The following SNX29 variants were observed in gnomAD, a reference collection of about 807,000 sequenced individuals.
SNX29 encodes sorting nexin-29.
In SNX29, 78 loss-of-function variants were observed where a neutral mutation model predicts 102.1. The ratio of observed to expected loss-of-function variants is 0.76; its 90% CI spans 0.64 to 0.92. The LOEUF is 0.92. Among genes scored for constraint, SNX29 ranks in the 40% least tolerant of loss-of-function variants. SNX29 has a pLI of 0.00. For synonymous variants in SNX29, 580 were observed against 414.5 expected (o/e 1.40, Z -4.85); for missense variants, 1,280 against 1,061.7 (o/e 1.21, Z -2.86).
In SNX29 at chr16:12,561,930, G is replaced by T. The variant is rs564364264; in HGVS notation, c.2319-6576G>T. Among the ~76,000 whole-genome samples the T allele has an allele frequency of 3.1e-3, 477 of 152,250 alleles. 1 individual carries two copies. The highest frequency in any genetic ancestry group is 6.8e-3 in the Middle Eastern group (2 of 294). On this transcript the variant is annotated intron_variant, in intron 20 of 20. Coordinates refer to ENST00000566228, the MANE Select transcript of SNX29 (RefSeq NM_032167.5). ...CCTTCTCCAGTTGCCTTCCAGGTGA[G>T]CTTAGAGCCAGGTGCATCCCTGGGG...
intron 15 of SNX29, among the ~76,000 whole-genome samples, chr16:12,335,709 T>C (rs2081427006): frequency 6.6e-6 from 1 of 151,936 alleles, no homozygotes; most frequent in African/African-American, 2.4e-5. Context: ...GTGGTCATGA[T>C]GAGAGCAGCC....
At chr16:12,526,988 C>A (rs1214635423) in intron 20 of SNX29, 2 of 401,278 alleles carry the variant, frequency 5.0e-6, no homozygotes, top group African/African-American at 4.0e-5. Context: ...GATTTATGGA[C>A]TTTTCAAAAC....
chr16:12,424,024 G>C (rs76546133), intron 18 of SNX29, among the ~76,000 whole-genome samples: 1,693 of 152,338 alleles, frequency 0.011, 38 homozygotes, highest in African/African-American at 0.038. Flanking sequence ...TTCTGAGCTG[G>C]TTGGCCAGAG....
At chr16:12,417,860 C>T (rs534359462) in intron 18 of SNX29, among the ~76,000 whole-genome samples, 1 of 152,006 alleles carries the variant, frequency 6.6e-6, no homozygotes, top group Non-Finnish European at 1.5e-5. Flanking sequence ...TTCTTGAGCC[C>T]TGGGAAGAGA....
chr16:12,141,020 C>T (rs1704147), intron 13 of SNX29, among the ~76,000 whole-genome samples: 66,978 of 152,054 alleles, frequency 0.44, 16,255 homozygotes, highest in East Asian at 0.7. Context: ...ATTGGTCTGG[C>T]GCAACTGTGC....
chr16:12,444,251 CGAGCACGTAGT>C (rs1567569558), intron 18 of SNX29, among the ~76,000 whole-genome samples: 8 of 151,696 alleles, frequency 5.3e-5, no homozygotes, highest in African/African-American at 1.5e-4. Context: ...AATATAGCAC[CGAGCACGTAGT>C]AAGCACTCAG....
intron 14 of SNX29, among the ~76,000 whole-genome samples, chr16:12,218,169 T>C (rs34726686): frequency 0.13 from 19,790 of 152,278 alleles, 2,270 homozygotes; most frequent in African/African-American, 0.29. Flanking sequence ...CTTCATACTT[T>C]GATTTTTTAA....
At chr16:12,223,359 C>G (rs991251523) in intron 14 of SNX29, among the ~76,000 whole-genome samples, 4 of 152,242 alleles carry the variant, frequency 2.6e-5, no homozygotes, top group South Asian at 2.1e-4. Context: ...AACCCTATCT[C>G]TATTAAAAAT....
chr16:12,296,961 C>T (rs1347166284), intron 15 of SNX29, among the ~76,000 whole-genome samples: 1 of 152,220 alleles, frequency 6.6e-6, no homozygotes, highest in African/African-American at 2.4e-5. Context: ...CACGGCATGC[C>T]TGGCTGCTGC....
chr16:12,527,371 T>TAAA, intron 20 of SNX29: 1 of 504,688 alleles, frequency 2.0e-6, no homozygotes, highest in Non-Finnish European at 3.8e-6. Context: ...AAATAAAAAA[T>TAAA]AAAAATCTCC....
chr16:12,138,039 T>G (rs2054725650), intron 13 of SNX29, among the ~76,000 whole-genome samples: 1 of 152,082 alleles, frequency 6.6e-6, no homozygotes, highest in Non-Finnish European at 1.5e-5. Context: ...TGTTATTGAT[T>G]AGCAATGTCT....
chr16:12,438,613 C>G (rs2085649431), intron 18 of SNX29, among the ~76,000 whole-genome samples: 1 of 152,246 alleles, frequency 6.6e-6, no homozygotes, highest in African/African-American at 2.4e-5. Flanking sequence ...GCTGCCTGGT[C>G]TGTGGTGGCA....
At chr16:12,565,325 C>T (rs953879115) in intron 20 of SNX29, among the ~76,000 whole-genome samples, 4 of 152,220 alleles carry the variant, frequency 2.6e-5, no homozygotes, top group Non-Finnish European at 5.9e-5. Context: ...CTGTGCTCAG[C>T]AGTCTGGGTT....
At chr16:12,279,892 A>G (rs2151020248) in intron 15 of SNX29, among the ~76,000 whole-genome samples, 1 of 152,352 alleles carries the variant, frequency 6.6e-6, no homozygotes, top group Middle Eastern at 3.4e-3. Flanking sequence ...TGGGGGAACA[A>G]GGGTGCTGTG....
At chr16:11,977,157 C>T (rs1417480218) in intron 1 of SNX29, 3 of 295,174 alleles carry the variant, frequency 1.0e-5, no homozygotes, top group Non-Finnish European at 1.9e-5. Context: ...TCTCTCCTAA[C>T]TCCTAGACCC....
At chr16:12,193,016 G>C (rs1424757818) in intron 13 of SNX29, among the ~76,000 whole-genome samples, 1 of 151,954 alleles carries the variant, frequency 6.6e-6, no homozygotes, top group Non-Finnish European at 1.5e-5. Context: ...AAATTTTTTT[G>C]TAGAGATGTG....
At chr16:12,133,019 G>A (rs889563152) in intron 13 of SNX29, among the ~76,000 whole-genome samples, 5 of 152,344 alleles carry the variant, frequency 3.3e-5, no homozygotes, top group Admixed American at 3.3e-4. Flanking sequence ...CTGGGGGTGG[G>A]GATGCCGTAG....
chr16:12,562,685 C>A (rs1218708956), intron 20 of SNX29, among the ~76,000 whole-genome samples: 1 of 152,162 alleles, frequency 6.6e-6, no homozygotes, highest in Admixed American at 6.5e-5. Flanking sequence ...ACAGGCACTG[C>A]CTTCTTTGGA....
At chr16:12,465,057 G>A (rs1444177127) in intron 18 of SNX29, among the ~76,000 whole-genome samples, 1 of 152,138 alleles carries the variant, frequency 6.6e-6, no homozygotes, top group Non-Finnish European at 1.5e-5. Context: ...TTGGAAAAAT[G>A]TCTGTTTACA....
Sources: gnomAD v4.1 joint callset for allele counts (sites outside exome capture counted in the v4.1 genomes callset) on GRCh38, gnomAD v4.1.1 for gene constraint, MANE v1.5 for transcripts, NCBI Gene and HGNC (gene_info 2026-07-23, HGNC 2026-07-21) for gene names.